Variants in NRXN3 observed in about 807,000 individuals in gnomAD.
NRXN3 encodes neurexin III.
NRXN3 carries 32 observed loss-of-function variants against 137.6 expected under a neutral mutation model. The ratio of observed to expected loss-of-function variants is 0.23; its 90% CI spans 0.18 to 0.31. NRXN3 has a LOEUF of 0.31. NRXN3 is among the 10% of genes least tolerant of loss of function. NRXN3 has a pLI of 1.00. For missense variants in NRXN3, 1,574 were observed against 2,062.5 expected (o/e 0.76, Z 4.59); for synonymous variants, 798 against 784.5 (o/e 1.02, Z -0.29).
At position 78,901,272 on chromosome 14, in the gene NRXN3, C is replaced by T. The variant is rs573354626; in HGVS notation, c.2276-55970C>T. 2.0e-5 allele frequency among the ~76,000 whole-genome samples: 3 copies of T among 151,906 alleles called. No homozygotes were observed. In the South Asian group the frequency reaches 6.2e-4, roughly 32 times the overall value. Reference sequence around the variant, plus strand: ...TCTATGGATCCAACCTCATGATTTCCTGGACCATTTAAATTGTCTTTTATT... The same window carrying T: ...TCTATGGATCCAACCTCATGATTTCTTGGACCATTTAAATTGTCTTTTATT... On this transcript the variant is annotated intron_variant, in intron 10 of 20. Coordinates refer to ENST00000335750, the MANE Select transcript of NRXN3 (RefSeq NM_001330195.2).
chr14:78,545,061 T>C (rs951403875), intron 4 of NRXN3, among the ~76,000 whole-genome samples: 4 of 152,240 alleles, frequency 2.6e-5, no homozygotes, highest in African/African-American at 9.6e-5. Flanking sequence ...TAGTTTTAGA[T>C]GTTGTTTTAT....
At chr14:78,457,426 A>G (rs2094777182) in intron 4 of NRXN3, among the ~76,000 whole-genome samples, 1 of 152,136 alleles carries the variant, frequency 6.6e-6, no homozygotes, top group Admixed American at 6.5e-5. Flanking sequence ...CTTCGTTATT[A>G]GGTGATAGAG....
At position 79,054,148 on chromosome 14, in the gene NRXN3, C is replaced by T. The variant is rs141168538; in HGVS notation, c.3262+66007C>T. Among the ~76,000 whole-genome samples the T allele has an allele frequency of 2.0e-3, 218 of 106,684 alleles. 2 individuals are homozygous for T. The East Asian group carries it at 0.034, about 17-fold the overall frequency. The allele number at this position is 106,684 out of a possible 152,430, so 70.0% of individuals were successfully genotyped here. ...ACACAGGAAGGGGAACATCACACAC[C>T]GGGGCCTGTTGTGGGGTGGGGGGAG... On this transcript the variant is annotated intron_variant, in intron 15 of 20. Coordinates refer to ENST00000335750, the MANE Select transcript of NRXN3 (RefSeq NM_001330195.2).
chr14:78,515,332 T>C (rs1258583839), intron 4 of NRXN3, among the ~76,000 whole-genome samples: 1 of 152,092 alleles, frequency 6.6e-6, no homozygotes, highest in Non-Finnish European at 1.5e-5. Context: ...GTCTCCCTTG[T>C]CAGTTTCCTG....
At chr14:79,473,884 G>A (rs1053808192) in intron 16 of NRXN3, among the ~76,000 whole-genome samples, 8 of 148,726 alleles carry the variant, frequency 5.4e-5, no homozygotes, top group African/African-American at 1.5e-4. Context: ...CAGCAGAGTC[G>A]GAGAAGAAGG....
In NRXN3 at chr14:79,641,498, G is replaced by A. The variant is rs371675669; in HGVS notation, c.3445-22280G>A. 3.0e-5 allele frequency among the ~76,000 whole-genome samples: 4 copies of A among 135,372 alleles called. No individual in the cohort carries two copies. In the East Asian group the frequency reaches 5.9e-4, roughly 20 times the overall value. The allele number at this position is 135,372 out of a possible 152,430, so 88.8% of individuals were successfully genotyped here. ...GTGGCTTATCATACCAAATATTTAC[G>A]CCCATGTTTACAGGCCTGCAGGTTG... On this transcript the variant is annotated intron_variant, in intron 16 of 20. Coordinates refer to ENST00000335750, the MANE Select transcript of NRXN3 (RefSeq NM_001330195.2).
chr14:79,221,223 T>A (rs538669898), intron 15 of NRXN3, among the ~76,000 whole-genome samples: 1 of 152,318 alleles, frequency 6.6e-6, no homozygotes, highest in African/African-American at 2.4e-5. Context: ...TACATGTGCA[T>A]GTATCTTTAT....
At chr14:79,405,455 G>A (rs1477212118) in intron 15 of NRXN3, among the ~76,000 whole-genome samples, 2 of 152,070 alleles carry the variant, frequency 1.3e-5, no homozygotes, top group Admixed American at 1.3e-4. Flanking sequence ...GTGACATAAG[G>A]TTTCTTCAGA....
chr14:78,204,351 A>C (rs2061986443), intron 1 of NRXN3, among the ~76,000 whole-genome samples: 1 of 151,998 alleles, frequency 6.6e-6, no homozygotes, highest in African/African-American at 2.4e-5. Context: ...TATGTTTGCC[A>C]CCTTGGTTTG....
At chr14:78,828,059 C>G (rs912181892) in intron 10 of NRXN3, among the ~76,000 whole-genome samples, 1 of 152,156 alleles carries the variant, frequency 6.6e-6, no homozygotes, top group African/African-American at 2.4e-5. Flanking sequence ...TCGCAATTAC[C>G]TGCAGGCAGC....
At chr14:78,610,812 T>G (rs1288308482) in intron 4 of NRXN3, among the ~76,000 whole-genome samples, 19 of 152,120 alleles carry the variant, frequency 1.2e-4, no homozygotes. Flanking sequence ...CTACAATTAC[T>G]CGGAACTCCA....
chr14:78,682,591 T>C (rs1361249030), intron 6 of NRXN3, among the ~76,000 whole-genome samples: 2 of 152,132 alleles, frequency 1.3e-5, no homozygotes, highest in East Asian at 1.9e-4. Flanking sequence ...TCAACATTAA[T>C]TGAGCATTTA....
At chr14:79,058,305 A>G (rs1022487081) in intron 15 of NRXN3, among the ~76,000 whole-genome samples, 1 of 152,102 alleles carries the variant, frequency 6.6e-6, no homozygotes, top group Non-Finnish European at 1.5e-5. Context: ...CAGGAAGGGG[A>G]AAAAAGAGGG....
At chr14:79,605,598 C>T (rs199623843) in intron 16 of NRXN3, among the ~76,000 whole-genome samples, 2 of 152,132 alleles carry the variant, frequency 1.3e-5, no homozygotes, top group Non-Finnish European at 2.9e-5. Context: ...AGCAATTCTC[C>T]TGCCTCAGCC....
chr14:78,822,782 T>C (rs1204659210), intron 10 of NRXN3, among the ~76,000 whole-genome samples: 1 of 151,978 alleles, frequency 6.6e-6, no homozygotes, highest in Non-Finnish European at 1.5e-5. Flanking sequence ...TCAGATTCAG[T>C]CTACTCCATT....
At chr14:79,348,325 T>C (rs1405134872) in intron 15 of NRXN3, among the ~76,000 whole-genome samples, 1 of 152,112 alleles carries the variant, frequency 6.6e-6, no homozygotes, top group African/African-American at 2.4e-5. Flanking sequence ...AGAGCTGAAA[T>C]TTTAAAAATT....
chr14:79,434,284 G>T (rs1041573522), intron 15 of NRXN3, among the ~76,000 whole-genome samples: 1 of 152,220 alleles, frequency 6.6e-6, no homozygotes, highest in East Asian at 1.9e-4. Flanking sequence ...ATGAGATTCA[G>T]CCCAGAGGCA....
At chr14:79,073,180 C>T (rs1031488810) in intron 15 of NRXN3, among the ~76,000 whole-genome samples, 1 of 152,154 alleles carries the variant, frequency 6.6e-6, no homozygotes, top group African/African-American at 2.4e-5. Flanking sequence ...AGCCACCGCG[C>T]CCGGCCCGTC....
intron 8 of NRXN3, among the ~76,000 whole-genome samples, chr14:78,794,937 C>CAAACA (rs67972450): frequency 3.3e-4 from 47 of 142,496 alleles, no homozygotes; most frequent in South Asian, 1.3e-3. Flanking sequence ...AACAAACAAA[C>CAAACA]AAAAAAAAAA....
Sources: gnomAD v4.1 joint callset for allele counts (sites outside exome capture counted in the v4.1 genomes callset) on GRCh38, gnomAD v4.1.1 for gene constraint, MANE v1.5 for transcripts, NCBI Gene and HGNC (gene_info 2026-07-23, HGNC 2026-07-21) for gene names.